The following EIF3B variants were observed in gnomAD, a reference collection of about 807,000 sequenced individuals.
EIF3B encodes eukaryotic translation initiation factor 3 subunit 9.
Under a neutral mutation model 104.6 loss-of-function variants are expected in EIF3B, and 10 were observed. That is an observed-to-expected ratio of 0.10 (90% CI 0.06 to 0.16). The LOEUF (loss-of-function observed/expected upper bound fraction) is 0.16. Among genes scored for constraint, EIF3B ranks in the 10% least tolerant of loss-of-function variants. The probability of loss-of-function intolerance (pLI) is 1.00; values close to 1 mark genes in which losing one functional copy is unlikely to be tolerated. For synonymous variants in EIF3B, 542 were observed against 417.2 expected, an observed-to-expected ratio of 1.30 and a Z score of -3.65; for missense variants, 1,014 against 1,087.9, an observed-to-expected ratio of 0.93 and a Z score of 0.96.
At chr7:2,357,447 CT>C (rs1483620685) in intron 1 of EIF3B, among the ~76,000 whole-genome samples, 1 of 152,136 alleles carries the variant, frequency 6.6e-6, no homozygotes, top group Non-Finnish European at 1.5e-5. Context: ...CCGTAGGTGA[CT>C]GTATCAGTTC....
Position 2,379,119 on chromosome 7 carries a change from C to T in EIF3B, c.2233-15C>T. 1.2e-6 allele frequency: 2 copies of T among 1,611,876 alleles called. No individual in the cohort carries two copies. The highest frequency in any genetic ancestry group is 1.7e-6 in the Non-Finnish European group (2 of 1,178,568). On this transcript the variant is annotated splice_polypyrimidine_tract_variant and intron_variant, in intron 16 of 18. Transcript: ENST00000360876. ...TGTCTTACCAGTTCTGTGCTTTCCC[C>T]AACCTCATGCATAGGAATTGGTGGA...
rs186482130 is a variant in EIF3B, at chr7:2,378,506, T to A, written c.2155-183T>A. ...TGGAGGAAGGAGCAGGCGCGAGTGCTGCTGGGAAGCTGTGTTGTGTGAATG... is the reference window on the plus strand; with the variant it reads ...TGGAGGAAGGAGCAGGCGCGAGTGCAGCTGGGAAGCTGTGTTGTGTGAATG... On this transcript the variant is annotated intron_variant, in intron 15 of 18. Coordinates refer to ENST00000360876, the MANE Select transcript of EIF3B (RefSeq NM_001037283.2). 101 of 274,480 alleles carry A rather than the reference T, an allele frequency of 3.7e-4. 3 individuals carry two copies. Among genetic ancestry groups the A allele is most frequent in the African/African-American group, 2.0e-3 (88 of 44,858 alleles). The allele number at this position is 274,480 out of a possible 1,614,324, so 17.0% of individuals were successfully genotyped here.
At chr7:2,370,848 G>A (rs1583171310) in intron 10 of EIF3B, among the ~76,000 whole-genome samples, 1 of 152,186 alleles carries the variant, frequency 6.6e-6, no homozygotes, top group Non-Finnish European at 1.5e-5. Context: ...GGCTGAGGCG[G>A]GGCATCACAA....
At chr7:2,367,143 T>G (rs897180172) in intron 9 of EIF3B, 98 bp downstream of exon 9, 78 of 1,162,298 alleles carry the variant, frequency 6.7e-5, no homozygotes, top group Non-Finnish European at 9.0e-5. Context: ...GCTGGGTGGC[T>G]TATGACAGCT....
chr7:2,362,832 T>C (rs1779811419), intron 3 of EIF3B, 68 bp downstream of exon 3: 1 of 1,603,036 alleles, frequency 6.2e-7, no homozygotes, highest in South Asian at 1.1e-5. Context: ...TGCGGGTGGC[T>C]TGGTGCTTCT....
chr7:2,379,523 C>T lies in EIF3B; in HGVS notation c.*14+12C>T. 1 of 1,520,122 alleles carries T rather than the reference C, an allele frequency of 6.6e-7. No individual in the cohort carries two copies. Among genetic ancestry groups the T allele is most frequent in the Non-Finnish European group, 9.0e-7 (1 of 1,116,938 alleles). The allele number at this position is 1,520,122 out of a possible 1,614,324, so 94.2% of individuals were successfully genotyped here. On this transcript the variant is annotated intron_variant, in intron 18 of 18. Transcript: ENST00000360876. ...CCTGGAGCACTGTGGTGAGCGTCTGCAGGGGGCGCGATGGGGGTCCTGTTG... is the reference window on the plus strand; with the variant it reads ...CCTGGAGCACTGTGGTGAGCGTCTGTAGGGGGCGCGATGGGGGTCCTGTTG...
At chr7:2,375,710 G>A (rs531935376) in intron 14 of EIF3B, among the ~76,000 whole-genome samples, 183 bp downstream of exon 14, 62 of 152,174 alleles carry the variant, frequency 4.1e-4, no homozygotes, top group Non-Finnish European at 8.1e-4. Context: ...AGGTGGCGCC[G>A]AGTGCAGGAG....
At chr7:2,355,524 C>A in intron 1 of EIF3B, 104 bp downstream of exon 1, 2 of 1,367,990 alleles carry the variant, frequency 1.5e-6, no homozygotes, top group Non-Finnish European at 1.9e-6. Context: ...TGCAGAAGTT[C>A]CAGCGAGGGT....
chr7:2,366,067 A>T (rs547042893), intron 6 of EIF3B, among the ~76,000 whole-genome samples: 2 of 152,164 alleles, frequency 1.3e-5, no homozygotes, highest in Non-Finnish European at 2.9e-5. Flanking sequence ...ATCACTTAGC[A>T]GCCTTGTGTG....
chr7:2,370,955 C>T (rs1028814762), intron 10 of EIF3B, among the ~76,000 whole-genome samples: 5 of 151,880 alleles, frequency 3.3e-5, no homozygotes, highest in Non-Finnish European at 7.4e-5. Context: ...CCCAGCTACT[C>T]GGGAGGCTGA....
intron 16 of EIF3B, 40 bp downstream of exon 16, chr7:2,378,806 C>G: frequency 6.4e-7 from 1 of 1,570,616 alleles, no homozygotes. Flanking sequence ...GCTGTGACAT[C>G]CGCCATCATG....
intron 10 of EIF3B, among the ~76,000 whole-genome samples, chr7:2,371,305 C>A (rs1780327991): frequency 6.6e-6 from 1 of 152,260 alleles, no homozygotes; most frequent in South Asian, 2.1e-4. Context: ...GACCCCGTTT[C>A]TTGGCCTCCT....
Position 2,364,356 on chromosome 7 carries a change from C to G in EIF3B, c.1000-16C>G, listed in dbSNP as rs1294732879. 5.1e-6 allele frequency: 8 copies of G among 1,571,820 alleles called. No homozygotes were observed. The highest frequency in any genetic ancestry group is 6.0e-6 in the Non-Finnish European group (7 of 1,165,138). On this transcript the variant is annotated splice_polypyrimidine_tract_variant and intron_variant, in intron 5 of 18. Transcript: ENST00000360876. ...CCATTTTGTTGTATTAACGTTGGCA[C>G]TGCCTTTTTCTGCAGAGATGGACAG...
chr7:2,362,955 G>T (rs1391668402), intron 3 of EIF3B, 115 bp from the exon 4 acceptor site: 1 of 1,465,750 alleles, frequency 6.8e-7, no homozygotes, highest in Non-Finnish European at 9.5e-7. Context: ...TGTTATGCCA[G>T]TCACAGCCCT....
intron 8 of EIF3B, 88 bp downstream of exon 8, chr7:2,366,679 G>A (rs890448130): frequency 4.0e-6 from 6 of 1,486,384 alleles, no homozygotes; most frequent in Middle Eastern, 2.0e-4. Context: ...GCTAGAAGAG[G>A]AGGAGGAGGT....
chr7:2,365,671 GTTTGTTTTGTTTTT>G lies in EIF3B; in HGVS notation c.1158-642_1158-629del, dbSNP rs1344555594. ...TGTTTTTTTGTTTGTTTGTTTGTTTGTTTGTTTTGTTTTTTTTTTTTTTGAAACTGAGTTTCATG... is the reference window on the plus strand; with the variant it reads ...TGTTTTTTTGTTTGTTTGTTTGTTTGTTTTTTTTTGAAACTGAGTTTCATG... On this transcript the variant is annotated intron_variant, in intron 6 of 18. Transcript: ENST00000360876. Among the ~76,000 whole-genome samples the G allele has an allele frequency of 7.2e-3, 782 of 108,962 alleles. 11 individuals carry two copies. Among genetic ancestry groups the G allele is most frequent in the African/African-American group, 0.028 (609 of 22,016 alleles). 71.5% of individuals were successfully genotyped at this position (108,962 alleles called of 152,430 possible). A position where few individuals can be genotyped will look rare whatever the true frequency, so the allele number is the denominator to read the frequency against.
intron 10 of EIF3B, among the ~76,000 whole-genome samples, chr7:2,371,500 G>T (rs1477968265): frequency 1.3e-5 from 2 of 152,176 alleles, no homozygotes; most frequent in African/African-American, 4.8e-5. Context: ...GACTGCTTGT[G>T]CCCAAGTGTG....
chr7:2,367,343 AC>A (rs1780078917), intron 9 of EIF3B, among the ~76,000 whole-genome samples: 1 of 118,974 alleles, frequency 8.4e-6, no homozygotes, highest in Non-Finnish European at 1.8e-5. Context: ...AGGACCTCCC[AC>A]CCCCCAAAAG....
rs949698582 is a variant in EIF3B at position 2,364,238 on chromosome 7, G to A, written c.1000-134G>A. On this transcript the variant is annotated intron_variant, in intron 5 of 18. Transcript: ENST00000360876. ...GATTGCGCCACTGCACTCCAGCCTG[G>A]GAGACAGCGAGACTCCGTCTCAAAA... The A allele has an allele frequency of 5.0e-6, 4 of 794,704 alleles. No homozygotes were observed. The African/African-American group carries it at 7.1e-5, about 14-fold the overall frequency. 49.2% of individuals were successfully genotyped at this position (794,704 alleles called of 1,614,324 possible).
Sources: allele counts gnomAD v4.1 joint callset (sites outside exome capture counted in the v4.1 genomes callset), GRCh38; gene constraint gnomAD v4.1.1; transcripts MANE v1.5; gene names NCBI Gene and HGNC (gene_info 2026-07-23, HGNC 2026-07-21).